Variants in PTCHD4 observed in about 807,000 individuals in gnomAD.
PTCHD4 encodes patched domain containing 4.
PTCHD4 carries 33 observed loss-of-function variants against 58.1 expected under a neutral mutation model. The observed-to-expected ratio is 0.57, with a 90% CI of 0.43 to 0.76. PTCHD4 has a LOEUF of 0.76. Among genes scored for constraint, PTCHD4 ranks in the 30% least tolerant of loss-of-function variants. The pLI, the probability that PTCHD4 is intolerant of heterozygous loss-of-function variation, is 0.00. For synonymous variants in PTCHD4, 478 were observed against 409.6 expected (o/e 1.17, Z -2.02); for missense variants, 1,058 against 1,027.1 (o/e 1.03, Z -0.41).
chr6:47,892,369 A>G (rs1764407349), intron 4 of PTCHD4, among the ~76,000 whole-genome samples: 2 of 152,344 alleles, frequency 1.3e-5, no homozygotes, highest in African/African-American at 4.8e-5. Flanking sequence ...GGGATCATTT[A>G]GGGAATAAAA....
At chr6:47,903,260 G>A (rs1471600227) in intron 4 of PTCHD4, among the ~76,000 whole-genome samples, 1 of 152,076 alleles carries the variant, frequency 6.6e-6, no homozygotes, top group Non-Finnish European at 1.5e-5. Flanking sequence ...CAGGTACAGA[G>A]GTGTCTATAG....
In PTCHD4 at chr6:47,858,929, A is replaced by G. The variant is rs1296572029; in HGVS notation, c.*19374T>C. ...TCAGCCATTAGAGAACCAGTTAATG[A>G]TCTTACAGAACCTATGATTTAATTA... On this transcript the variant is annotated 3_prime_UTR_variant, in exon 5 of 5. Coordinates refer to ENST00000339488, the MANE Select transcript of PTCHD4 (RefSeq NM_001384253.1). 3.9e-5 allele frequency among the ~76,000 whole-genome samples: 6 copies of G among 152,162 alleles called. No homozygotes were observed. In the South Asian group the frequency reaches 1.0e-3, roughly 26 times the overall value.
chr6:47,908,916 A>G (rs994078799), intron 4 of PTCHD4, among the ~76,000 whole-genome samples: 3 of 152,196 alleles, frequency 2.0e-5, no homozygotes, highest in Non-Finnish European at 4.4e-5. Context: ...GAATAATGAA[A>G]TAATAATAAT....
intron 1 of PTCHD4, among the ~76,000 whole-genome samples, chr6:48,070,405 T>C (rs973562522): frequency 3.9e-5 from 6 of 152,178 alleles, no homozygotes; most frequent in African/African-American, 1.4e-4. Flanking sequence ...TTTATTTTTT[T>C]CTACTGGAAT....
intron 1 of PTCHD4, among the ~76,000 whole-genome samples, chr6:48,103,986 G>A (rs999712308): frequency 2.6e-5 from 4 of 152,240 alleles, no homozygotes; most frequent in African/African-American, 9.6e-5. Context: ...TGGTGTACCT[G>A]AAAGTGACAG....
intron 3 of PTCHD4, among the ~76,000 whole-genome samples, chr6:48,040,112 T>C (rs144116655): frequency 9.9e-4 from 151 of 152,198 alleles, no homozygotes; most frequent in African/African-American, 3.5e-3. Flanking sequence ...CCTAAAACTT[T>C]ATGACGCTAT....
chr6:48,033,235 C>A (rs553134320), intron 3 of PTCHD4, among the ~76,000 whole-genome samples: 22 of 152,044 alleles, frequency 1.4e-4, no homozygotes, highest in Non-Finnish European at 2.9e-4. Flanking sequence ...TGTGTGGAGC[C>A]GGAATATTAT....
intron 3 of PTCHD4, among the ~76,000 whole-genome samples, chr6:48,067,745 C>G (rs1032471008): frequency 6.6e-6 from 1 of 152,170 alleles, no homozygotes; most frequent in Non-Finnish European, 1.5e-5. Context: ...CCCCCTCCCC[C>G]TTCCATTCAC....
chr6:47,869,962 G>A lies in PTCHD4; in HGVS notation c.*8341C>T, dbSNP rs1309573722. On this transcript the variant is annotated 3_prime_UTR_variant, in exon 5 of 5. Coordinates refer to ENST00000339488, the MANE Select transcript of PTCHD4 (RefSeq NM_001384253.1). ...ACAATAAAGAATGAAGAAAAATCTG[G>A]CGAATTTAAGAATAACCTAGCTTTT... Among the ~76,000 whole-genome samples the A allele has an allele frequency of 1.3e-5, 2 of 151,446 alleles. No homozygotes were observed. Among genetic ancestry groups the A allele is most frequent in the Admixed American group, 1.3e-4 (2 of 15,140 alleles).
rs191037281 is a variant in PTCHD4 at position 48,065,293 on chromosome 6, T to C, written c.417+2937A>G. On this transcript the variant is annotated intron_variant, in intron 3 of 4. Coordinates refer to ENST00000339488, the MANE Select transcript of PTCHD4 (RefSeq NM_001384253.1). ...GTTATGCATCCACCGCTATTTATTC[T>C]GCAATTTCCTAATTTTCTGCCTTCC... Among the ~76,000 whole-genome samples, 129 of 152,316 alleles carry C rather than the reference T, an allele frequency of 8.5e-4. 1 individual carries two copies. Among genetic ancestry groups the C allele is most frequent in the African/African-American group, 3.0e-3 (125 of 41,578 alleles).
rs74694200 is a variant in PTCHD4, at chr6:48,037,061, G to T, written c.418-27947C>A. Among the ~76,000 whole-genome samples the T allele has an allele frequency of 7.3e-3, 1,111 of 152,190 alleles. 8 individuals are homozygous for T. The highest frequency in any genetic ancestry group is 0.024 in the African/African-American group (993 of 41,526). ...GTTACACAGACTTAGGAATACAGAA[G>T]ATCAGTAGTAGCCTAAGTCTCTGTC... On this transcript the variant is annotated intron_variant, in intron 3 of 4. Coordinates refer to ENST00000339488, the MANE Select transcript of PTCHD4 (RefSeq NM_001384253.1).
rs746374304 is a variant in PTCHD4, at chr6:47,878,951, G to T, written c.1884C>A (p.Pro628=). 4 of 1,613,034 alleles carry T rather than the reference G, an allele frequency of 2.5e-6. No individual in the cohort carries two copies. Among genetic ancestry groups the T allele is most frequent in the Non-Finnish European group, 3.4e-6 (4 of 1,179,760 alleles). The part of the protein sequence containing the change: ...EITEVLEKLR[P]LSLSKSIRFI... ...ATCGGATGCTCTTTGAGAGGGATAG[G>T]GGCCTCAGCTTTTCCAACACTTCTG... The change falls in exon 5 of 5, where the codon CCC becomes CCA. Residue 628 remains proline (P), a synonymous_variant. Transcript: ENST00000339488.
intron 1 of PTCHD4, among the ~76,000 whole-genome samples, chr6:48,088,719 A>T (rs951303823): frequency 7.2e-5 from 11 of 152,264 alleles, no homozygotes; most frequent in East Asian, 5.8e-4. Flanking sequence ...TTCTCCTGTC[A>T]CATAAGCTTT....
In PTCHD4 at chr6:47,891,888, T is replaced by C. The variant is rs556929600; in HGVS notation, c.899-11952A>G. On this transcript the variant is annotated intron_variant, in intron 4 of 4. Coordinates refer to ENST00000339488, the MANE Select transcript of PTCHD4 (RefSeq NM_001384253.1). Reference sequence around the variant, plus strand: ...TGGAAAATAAAATGCACTAAAACTTTTGTTGTCATTGCTGATTTATAAGTA... The same window carrying C: ...TGGAAAATAAAATGCACTAAAACTTCTGTTGTCATTGCTGATTTATAAGTA... Among the ~76,000 whole-genome samples the C allele has an allele frequency of 3.3e-5, 5 of 152,322 alleles. No homozygotes were observed. The South Asian group carries it at 8.3e-4, about 25-fold the overall frequency.
At chr6:48,003,827 TC>T (rs901357228) in intron 4 of PTCHD4, among the ~76,000 whole-genome samples, 1 of 152,186 alleles carries the variant, frequency 6.6e-6, no homozygotes, top group Non-Finnish European at 1.5e-5. Flanking sequence ...GCTTTCTTGC[TC>T]TTCTTCAGCT....
intron 3 of PTCHD4, among the ~76,000 whole-genome samples, chr6:48,054,685 A>C (rs1256866079): frequency 6.6e-6 from 1 of 152,202 alleles, no homozygotes; most frequent in African/African-American, 2.4e-5. Flanking sequence ...CAACCGGTAA[A>C]ATGATTATAA....
At chr6:47,990,190 G>T (rs956545071) in intron 4 of PTCHD4, among the ~76,000 whole-genome samples, 2 of 152,208 alleles carry the variant, frequency 1.3e-5, no homozygotes, top group African/African-American at 4.8e-5. Flanking sequence ...ATTGTATCTA[G>T]AAAGTAACCA....
At position 47,992,390 on chromosome 6, in the gene PTCHD4, C is replaced by T. The variant is rs554303629; in HGVS notation, c.898+16244G>A. On this transcript the variant is annotated intron_variant, in intron 4 of 4. Transcript: ENST00000339488. ...CTAAAAACTGATTACCAGAAGACTTCCTTCCAATTTACATGTTATCACAAA... is the reference window on the plus strand; with the variant it reads ...CTAAAAACTGATTACCAGAAGACTTTCTTCCAATTTACATGTTATCACAAA... Among the ~76,000 whole-genome samples the T allele has an allele frequency of 2.0e-5, 3 of 152,200 alleles. No individual in the cohort carries two copies. In the East Asian group the frequency reaches 5.8e-4, roughly 29 times the overall value.
chr6:47,994,765 G>C (rs989873266), intron 4 of PTCHD4, among the ~76,000 whole-genome samples: 1 of 152,146 alleles, frequency 6.6e-6, no homozygotes, highest in African/African-American at 2.4e-5. Flanking sequence ...GAAATGCTAC[G>C]GAAACACAGC....
Sources: gnomAD v4.1 joint callset for allele counts (sites outside exome capture counted in the v4.1 genomes callset) on GRCh38, gnomAD v4.1.1 for gene constraint, MANE v1.5 for transcripts, NCBI Gene and HGNC (gene_info 2026-07-23, HGNC 2026-07-21) for gene names.